The following IL17RE variants were observed in gnomAD, a reference collection of about 807,000 sequenced individuals.
IL17RE encodes the protein interleukin-17 receptor E.
In IL17RE, 47 loss-of-function variants were observed where a neutral mutation model predicts 70.7. That is an observed-to-expected ratio of 0.67 (90% confidence interval 0.53 to 0.85). The LOEUF is 0.85. Among genes scored for constraint, IL17RE ranks in the 40% least tolerant of loss-of-function variants. The pLI is 0.00. For missense variants in IL17RE, 850 were observed against 893.9 expected (o/e 0.95, Z 0.63); for synonymous variants, 372 against 381.2 (o/e 0.98, Z 0.28).
intron 15 of IL17RE, 115 bp downstream of exon 15, chr3:9,914,892 G>A: frequency 1.1e-6 from 1 of 906,018 alleles, no homozygotes; most frequent in East Asian, 2.6e-5. Context: ...TGTTACCCAG[G>A]CAGGGAGCCT....
At chr3:9,902,652 C>T (rs1403032978), upstream of IL17RE, 20 of 1,536,026 alleles carry the variant, frequency 1.3e-5, no homozygotes, top group Non-Finnish European at 1.7e-5. Context: ...AGCCCCTTTC[C>T]TGTTACTTCT....
intron 12 of IL17RE, chr3:9,911,853 G>A (rs1306307804): frequency 5.5e-6 from 2 of 360,852 alleles, no homozygotes; most frequent in Non-Finnish European, 1.0e-5. Flanking sequence ...CCAGGCTGGA[G>A]TGCAGTGGCG....
At position 9,907,374 on chromosome 3, in the gene IL17RE, AAAAT is replaced by A. The variant is rs199961502; in HGVS notation, c.666+287_666+290del. On this transcript the variant is annotated intron_variant, in intron 6 of 15. Coordinates refer to ENST00000383814, the MANE Select transcript of IL17RE (RefSeq NM_153480.2). ...GCAACATAGTGAAACCCTGCTGCTA[AAAAT>A]AAATAAATAAATTAATTAATTAATT... 8.6e-5 allele frequency among the ~76,000 whole-genome samples: 13 copies of A among 151,702 alleles called. 1 individual carries two copies. In the South Asian group the frequency reaches 1.0e-3, roughly 12 times the overall value.
chr3:9,903,261 C>A, intron 1 of IL17RE, 136 bp from the exon 2 acceptor site: 3 of 1,083,838 alleles, frequency 2.8e-6, no homozygotes, highest in Non-Finnish European at 4.1e-6. Flanking sequence ...AAGATAAGAG[C>A]CAGAAGGTAT....
upstream of IL17RE, chr3:9,902,529 G>A (rs1011984500): frequency 1.2e-5 from 14 of 1,125,346 alleles, no homozygotes; most frequent in East Asian, 1.5e-4. Context: ...GGGGTGAAGC[G>A]CATGTCTATG....
intron 3 of IL17RE, among the ~76,000 whole-genome samples, chr3:9,905,468 G>GGAAGGAAGGAAC (rs2082731095): frequency 6.6e-6 from 1 of 151,080 alleles, no homozygotes; most frequent in South Asian, 2.1e-4. Flanking sequence ...AAGGAAGGAA[G>GGAAGGAAGGAAC]GAAGGAAGGA....
rs1298869570 is a variant in IL17RE, at chr3:9,910,871, C to T, written c.809C>T (p.Ser270Leu). The change falls in exon 9 of 16, where the codon TCG becomes TTG. Residue 270 changes from serine (S) to leucine (L), a missense_variant. Physicochemically the swap from Ser to Leu is moderately radical, Grantham distance 145. Transcript: ENST00000383814. The part of the protein sequence containing the change: ...PFQSWPEAYG[S>L]DFWKSVHFTD... ...GACCCTGCCACCTGCCCAGATGGCT[C>T]GGACTTCTGGAAGTCAGTGCACTTC... The T allele has an allele frequency of 3.1e-6, 5 of 1,613,316 alleles. No homozygotes were observed. Among genetic ancestry groups the T allele is most frequent in the Middle Eastern group, 1.7e-4 (1 of 5,988 alleles).
chr3:9,913,311 G>A, intron 12 of IL17RE, among the ~76,000 whole-genome samples: 1 of 152,020 alleles, frequency 6.6e-6, no homozygotes. Context: ...GGCTGGGGCA[G>A]GAGAATAGCT....
rs144732083 is a variant in IL17RE at position 9,909,241 on chromosome 3, G to C, written c.760G>C (p.Val254Leu). 312 of 1,614,076 alleles carry C rather than the reference G, an allele frequency of 1.9e-4. 1 individual carries two copies. In the African/African-American group the frequency reaches 3.7e-3, roughly 19 times the overall value. ...GGCATCCTACCTGCAAGAGGACACT[G>C]TGAGGCGCAAAAAATGTCCCTTCCA... is the stretch of plus-strand genomic sequence containing the variant. Reference protein sequence around the residue: ...IEASYLQEDTVRRKKCPFQSW... With the variant: ...IEASYLQEDTLRRKKCPFQSW... Residue 254 changes from valine (V) to leucine (L), a missense_variant, in exon 8 of 16, where the codon GTG becomes CTG. By Grantham distance (32) the Val-to-Leu change is conservative. Coordinates refer to ENST00000383814, the MANE Select transcript of IL17RE (RefSeq NM_153480.2).
intron 6 of IL17RE, among the ~76,000 whole-genome samples, chr3:9,907,983 C>T (rs550507627): frequency 6.6e-5 from 10 of 152,330 alleles, no homozygotes; most frequent in African/African-American, 2.4e-4. Flanking sequence ...CCTCTACACT[C>T]CCTGGCATAT....
rs1352280812 is a variant in IL17RE at position 9,915,582 on chromosome 3, C to G, written c.1779C>G (p.Tyr593Ter). 1.4e-6 allele frequency: 2 copies of G among 1,421,848 alleles called. No homozygotes were observed. Among genetic ancestry groups the G allele is most frequent in the Non-Finnish European group, 1.8e-6 (2 of 1,090,524 alleles). 88.1% of individuals were successfully genotyped at this position (1,421,848 alleles called of 1,614,324 possible). A position where few individuals can be genotyped will look rare whatever the true frequency, so the allele number is the denominator to read the frequency against. Reference sequence around the variant, plus strand: ...CGCGCCCGCTGCTGCTGCTCGCTTACTTCAGTCGCCTCTGCGCCAAGGGCG... The same window carrying G: ...CGCGCCCGCTGCTGCTGCTCGCTTAGTTCAGTCGCCTCTGCGCCAAGGGCG... ...AAPRPLLLLA[Y>*]FSRLCAKGDI... Residue 593 changes from tyrosine to a stop codon, truncating the protein, a stop_gained, in exon 16 of 16, where the codon TAC becomes TAG. Coordinates refer to ENST00000383814, the MANE Select transcript of IL17RE (RefSeq NM_153480.2). LOFTEE classifies it low-confidence loss of function (END_TRUNC). This position sits in a 1 kb window ranked among gnomAD's most constrained non-coding sequence, Gnocchi z 4.9.
Position 9,907,086 on chromosome 3 carries a change from C to A in IL17RE, c.652C>A (p.Pro218Thr), listed in dbSNP as rs776320131. Residue 218 changes from proline to threonine, a missense_variant, in exon 6 of 16, where the codon CCC becomes ACC. Pro to Thr is a conservative substitution (Grantham distance 38). Coordinates refer to ENST00000383814, the MANE Select transcript of IL17RE (RefSeq NM_153480.2). ...WALECEELSSPYDVQKIVSGG... is the reference protein window; with the variant it reads ...WALECEELSSTYDVQKIVSGG... ...ACTGGAGTGTGAAGAGCTGAGCAGT[C>A]CCTATGATGTCCAGGTATGGTGTGT... is the stretch of plus-strand genomic sequence containing the variant. The A allele has an allele frequency of 6.2e-7, 1 of 1,614,146 alleles. No individual in the cohort carries two copies. Among genetic ancestry groups the A allele is most frequent in the Admixed American group, 1.7e-5 (1 of 60,010 alleles).
chr3:9,913,984 A>C lies in IL17RE; in HGVS notation c.1256A>C (p.Asp419Ala). 5.6e-6 allele frequency: 9 copies of C among 1,614,078 alleles called. No individual in the cohort carries two copies. Among genetic ancestry groups the C allele is most frequent in the Non-Finnish European group, 7.6e-6 (9 of 1,179,960 alleles). The change falls in exon 13 of 16, where the codon GAC becomes GCC. Residue 419 changes from aspartate (D) to alanine (A), a missense_variant. Physicochemically the swap from Asp to Ala is moderately radical, Grantham distance 126. Coordinates refer to ENST00000383814, the MANE Select transcript of IL17RE (RefSeq NM_153480.2). ...QARGSSPVSL[D>A]LIIPFLRPGC... ...CGGGGCTCAAGCCCAGTGTCACTAGACCTCATCATTCCCTTCCTGAGGCCA... is the reference window on the plus strand; with the variant it reads ...CGGGGCTCAAGCCCAGTGTCACTAGCCCTCATCATTCCCTTCCTGAGGCCA...
In IL17RE at chr3:9,915,139, CG is replaced by C. The variant is rs2082988272; in HGVS notation, c.1448-107del. ...ACCAACCCCCAGAGCAAATAAGGGG[CG>C]GGGGCGGGGGCGGAGAGGCGAGCAC... On this transcript the variant is annotated intron_variant, in intron 15 of 15. Coordinates refer to ENST00000383814, the MANE Select transcript of IL17RE (RefSeq NM_153480.2). The surrounding 1 kb of genome is among the most constrained non-coding windows in gnomAD (Gnocchi z 4.9). 1 of 1,182,502 alleles carries C rather than the reference CG, an allele frequency of 8.5e-7. No individual in the cohort carries two copies. The highest frequency in any genetic ancestry group is 1.0e-6 in the Non-Finnish European group (1 of 958,408). The allele number at this position is 1,182,502 out of a possible 1,614,324, so 73.3% of individuals were successfully genotyped here. A position where few individuals can be genotyped will look rare whatever the true frequency, so the allele number is the denominator to read the frequency against.
At position 9,913,984 on chromosome 3, in the gene IL17RE, A is replaced by G; in HGVS notation, c.1256A>G (p.Asp419Gly). Residue 419 changes from aspartate to glycine, a missense_variant, in exon 13 of 16, where the codon GAC (aspartate) becomes GGC (glycine). Physicochemically the swap from Asp to Gly is moderately conservative, Grantham distance 94. Coordinates refer to ENST00000383814, the MANE Select transcript of IL17RE (RefSeq NM_153480.2). ...CGGGGCTCAAGCCCAGTGTCACTAG[A>G]CCTCATCATTCCCTTCCTGAGGCCA... ...QARGSSPVSL[D>G]LIIPFLRPGC... The G allele has an allele frequency of 6.2e-7, 1 of 1,614,078 alleles. No homozygotes were observed. Among genetic ancestry groups the G allele is most frequent in the Non-Finnish European group, 8.5e-7 (1 of 1,179,960 alleles).
chr3:9,913,558 A>T (rs895684285), intron 12 of IL17RE, among the ~76,000 whole-genome samples: 3 of 152,236 alleles, frequency 2.0e-5, no homozygotes. Flanking sequence ...GCCTGGACCC[A>T]GGTCTCCTGA....
chr3:9,911,054 C>A lies in IL17RE; in HGVS notation c.978+14C>A, dbSNP rs766982447. On this transcript the variant is annotated intron_variant, in intron 9 of 15. Coordinates refer to ENST00000383814, the MANE Select transcript of IL17RE (RefSeq NM_153480.2). ...GAGTCAGATGGGGTGAGGACAGGTT[C>A]CCCCAGGACCAGGGTGGGCAGGGCT... The A allele has an allele frequency of 6.2e-7, 1 of 1,613,646 alleles. No homozygotes were observed. Among genetic ancestry groups the A allele is most frequent in the South Asian group, 1.1e-5 (1 of 91,076 alleles).
At position 9,915,902 on chromosome 3, in the gene IL17RE, G is replaced by C; in HGVS notation, c.*95G>C. ...GAGCCTTCGACCCTGAAATCCTTGG[G>C]GTGCCTCGAGGACGACTGGCCGAAA... On this transcript the variant is annotated 3_prime_UTR_variant, in exon 16 of 16. Coordinates refer to ENST00000383814, the MANE Select transcript of IL17RE (RefSeq NM_153480.2). The surrounding 1 kb of genome is among the most constrained non-coding windows in gnomAD (Gnocchi z 4.9). The C allele has an allele frequency of 7.3e-7, 1 of 1,367,788 alleles. No homozygotes were observed. Among genetic ancestry groups the C allele is most frequent in the Non-Finnish European group, 9.4e-7 (1 of 1,063,076 alleles). 84.7% of individuals were successfully genotyped at this position (1,367,788 alleles called of 1,614,324 possible). A position where few individuals can be genotyped will look rare whatever the true frequency, so the allele number is the denominator to read the frequency against.
chr3:9,902,831 G>T, upstream of IL17RE: 2 of 1,597,296 alleles, frequency 1.3e-6, no homozygotes, highest in South Asian at 2.2e-5. Context: ...GCTGGGGCGA[G>T]GGCTCCTGCT....
Sources: gnomAD v4.1 joint callset for allele counts (sites outside exome capture counted in the v4.1 genomes callset) on GRCh38, gnomAD v4.1.1 for gene constraint, Gnocchi (gnomAD v3.1) non-coding constraint, MANE v1.5 for transcripts, NCBI Gene and HGNC (gene_info 2026-07-23, HGNC 2026-07-21) for gene names.